The following TCF4 variants were observed in gnomAD, a reference collection of about 807,000 sequenced individuals.
TCF4 encodes the protein SL3-3 enhancer factor 2.
A neutral mutation model predicts 82.1 loss-of-function variants in TCF4; 3 were observed. The observed-to-expected ratio is 0.04, with a 90% confidence interval of 0.02 to 0.09. The LOEUF is 0.09. TCF4 is among the 10% of genes least tolerant of loss of function. The pLI, the probability that TCF4 is intolerant of heterozygous loss-of-function variation, is 1.00. For missense variants in TCF4, 518 were observed against 852.7 expected, an observed-to-expected ratio of 0.61 and a Z score of 4.89; for synonymous variants, 276 against 309.6, an observed-to-expected ratio of 0.89 and a Z score of 1.14.
At chr18:55,473,733 G>C (rs1432631312) in intron 3 of TCF4, among the ~76,000 whole-genome samples, 2 of 152,174 alleles carry the variant, frequency 1.3e-5, no homozygotes, top group Non-Finnish European at 2.9e-5. Flanking sequence ...CAATGAGAAG[G>C]CTTAATTAAG....
intron 9 of TCF4, among the ~76,000 whole-genome samples, chr18:55,276,391 A>G (rs1273853143): frequency 2.6e-5 from 4 of 152,192 alleles, no homozygotes; most frequent in Admixed American, 6.5e-5. Context: ...GGGTACAAAC[A>G]TGCCCTAGGT....
intron 2 of TCF4, among the ~76,000 whole-genome samples, chr18:55,617,516 C>T (rs898598362): frequency 1.2e-4 from 18 of 151,966 alleles, no homozygotes; most frequent in African/African-American, 2.9e-4. Flanking sequence ...CTGTAGGTCA[C>T]TTTGAGTACT....
At chr18:55,301,675 C>G (rs377203171) in intron 8 of TCF4, among the ~76,000 whole-genome samples, 2 of 150,970 alleles carry the variant, frequency 1.3e-5, no homozygotes, top group Non-Finnish European at 2.9e-5. Context: ...AGCACAGAAC[C>G]GTGTAAACAC....
chr18:55,549,459 A>T (rs187320895), intron 3 of TCF4, among the ~76,000 whole-genome samples: 3 of 152,342 alleles, frequency 2.0e-5, no homozygotes. Context: ...ATAGCTGCAC[A>T]AAACATTTTT....
rs554692436 is a variant in TCF4, at chr18:55,226,394, C to G, written c.*1641G>C. On this transcript the variant is annotated 3_prime_UTR_variant, in exon 20 of 20. Transcript: ENST00000354452. ...CACTATTTGTTTACTGCACTATACA[C>G]CAAAGTCAATCATTATAAAGATTCA... is the stretch of plus-strand genomic sequence containing the variant. 1 of 152,450 alleles carries G rather than the reference C, an allele frequency of 6.6e-6. No homozygotes were observed. Among genetic ancestry groups the G allele is most frequent in the Admixed American group, 6.5e-5 (1 of 15,280 alleles). The allele number at this position is 152,450 out of a possible 1,614,324, so 9.4% of individuals were successfully genotyped here. A position where few individuals can be genotyped will look rare whatever the true frequency, so the allele number is the denominator to read the frequency against.
chr18:55,506,867 C>CTTT (rs901825211), intron 3 of TCF4, among the ~76,000 whole-genome samples: 1 of 139,726 alleles, frequency 7.2e-6, no homozygotes. Flanking sequence ...TTTTTTTTTT[C>CTTT]TTTTTTTTTT....
intron 6 of TCF4, among the ~76,000 whole-genome samples, chr18:55,352,448 C>T (rs979923118): frequency 6.6e-6 from 1 of 152,116 alleles, no homozygotes; most frequent in Non-Finnish European, 1.5e-5. Context: ...CTCGCCTTTA[C>T]TGATTCCAGT....
chr18:55,297,075 T>C (rs1038502004), intron 8 of TCF4, among the ~76,000 whole-genome samples: 5 of 151,646 alleles, frequency 3.3e-5, no homozygotes, highest in African/African-American at 9.7e-5. Flanking sequence ...TTTCTTTACA[T>C]GCAAGTCATC....
chr18:55,509,751 CA>C (rs2096804160), intron 3 of TCF4, among the ~76,000 whole-genome samples: 1 of 152,022 alleles, frequency 6.6e-6, no homozygotes, highest in South Asian at 2.1e-4. Flanking sequence ...ATCTGCCTCC[CA>C]GAGGAATTCC....
chr18:55,355,477 G>A (rs1169034812), intron 6 of TCF4, among the ~76,000 whole-genome samples: 2 of 152,286 alleles, frequency 1.3e-5, no homozygotes, highest in East Asian at 3.9e-4. Flanking sequence ...ACTTACTACA[G>A]TAGCAGGAGG....
chr18:55,621,970 TTATATATTATATATACAC>T (rs1568501867), intron 2 of TCF4, among the ~76,000 whole-genome samples: 25 of 126,416 alleles, frequency 2.0e-4, no homozygotes, highest in South Asian at 6.8e-4. Flanking sequence ...ACACTATATA[TTATATATTATATATACAC>T]TATATATTAT....
At chr18:55,269,405 C>T (rs1051294186) in intron 11 of TCF4, 4 of 274,674 alleles carry the variant, frequency 1.5e-5, no homozygotes, top group East Asian at 1.7e-4. Context: ...AACCAGTCCT[C>T]GGAAGACAGT....
intron 6 of TCF4, among the ~76,000 whole-genome samples, chr18:55,371,054 T>C (rs1378525774): frequency 6.6e-6 from 1 of 152,232 alleles, no homozygotes; most frequent in Non-Finnish European, 1.5e-5. Flanking sequence ...TAATTCCAAA[T>C]GAACATGTCA....
intron 14 of TCF4, among the ~76,000 whole-genome samples, chr18:55,255,818 CTT>C (rs1228179193): frequency 2.6e-5 from 4 of 152,140 alleles, no homozygotes; most frequent in Non-Finnish European, 2.9e-5. Flanking sequence ...TCTAGTGACT[CTT>C]TGCACTAGAT....
intron 3 of TCF4, among the ~76,000 whole-genome samples, chr18:55,554,799 T>A (rs1315555274): frequency 6.6e-6 from 1 of 152,184 alleles, no homozygotes; most frequent in Non-Finnish European, 1.5e-5. Flanking sequence ...TATTTCTCCA[T>A]AAAGGTTTGT....
chr18:55,405,802 C>T (rs1038678377), intron 5 of TCF4, among the ~76,000 whole-genome samples: 5 of 152,108 alleles, frequency 3.3e-5, no homozygotes, highest in African/African-American at 7.2e-5. Flanking sequence ...TATGAATTCA[C>T]GCTGCAGAGT....
At chr18:55,540,639 T>C (rs892107092) in intron 3 of TCF4, among the ~76,000 whole-genome samples, 1 of 152,072 alleles carries the variant, frequency 6.6e-6, no homozygotes, top group Non-Finnish European at 1.5e-5. Context: ...GTATTCTTCA[T>C]AGAATTAGGC....
intron 5 of TCF4, among the ~76,000 whole-genome samples, chr18:55,409,806 G>C (rs1409542885): frequency 1.3e-5 from 2 of 152,100 alleles, no homozygotes; most frequent in African/African-American, 4.8e-5. Context: ...TGCAGGTATA[G>C]CTTCATTGTT....
intron 1 of TCF4, among the ~76,000 whole-genome samples, chr18:55,634,704 G>A (rs1006870190): frequency 6.6e-6 from 1 of 152,190 alleles, no homozygotes. Context: ...GTGTATTTAT[G>A]ACCTTGTGGT....
Sources: allele counts gnomAD v4.1 joint callset (sites outside exome capture counted in the v4.1 genomes callset), GRCh38; gene constraint gnomAD v4.1.1; transcripts MANE v1.5; gene names NCBI Gene and HGNC (gene_info 2026-07-23, HGNC 2026-07-21).